ACTN3: variants seen among roughly 807,000 people sequenced by gnomAD.
ACTN3 encodes the protein alpha-actinin-3.
In ACTN3, 91 loss-of-function variants were observed where a neutral mutation model predicts 119.6. The ratio of observed to expected loss-of-function variants is 0.76; its 90% confidence interval spans 0.64 to 0.91. ACTN3 has a LOEUF of 0.91. Ranked by LOEUF, ACTN3 falls within the 40% of genes least tolerant of loss-of-function variation. The probability of loss-of-function intolerance (pLI) is 0.00; values close to 1 mark genes in which losing one functional copy is unlikely to be tolerated. For missense variants in ACTN3, 1,221 were observed against 1,215.1 expected, an observed-to-expected ratio of 1.00 and a Z score of -0.07; for synonymous variants, 456 against 478.8, an observed-to-expected ratio of 0.95 and a Z score of 0.62.
intron 14 of ACTN3, 120 bp from the exon 15 acceptor site, chr11:66,560,453 C>A: frequency 6.8e-7 from 1 of 1,469,148 alleles, no homozygotes; most frequent in Non-Finnish European, 9.1e-7. Flanking sequence ...GACAGGAGGC[C>A]GGGGTTCTTG....
chr11:66,561,883 A>T, intron 17 of ACTN3, 139 bp from the exon 18 acceptor site: 1 of 1,089,728 alleles, frequency 9.2e-7, no homozygotes. Flanking sequence ...TGGGTTACTC[A>T]GTGGAGCCTC....
chr11:66,556,343 C>A, intron 8 of ACTN3, 113 bp downstream of exon 8: 2 of 962,388 alleles, frequency 2.1e-6, no homozygotes, highest in Non-Finnish European at 1.6e-6. Flanking sequence ...ACTGTGCCAG[C>A]TGCACACACT....
Position 66,563,237 on chromosome 11 carries a change from A to T in ACTN3, c.*44A>T, listed in dbSNP as rs1590813903. 16 of 1,546,634 alleles carry T rather than the reference A, an allele frequency of 1.0e-5. No individual in the cohort carries two copies. The highest frequency in any genetic ancestry group is 1.4e-5 in the Non-Finnish European group (16 of 1,144,080). On this transcript the variant is annotated 3_prime_UTR_variant, in exon 21 of 21. Coordinates refer to ENST00000513398, the MANE Select transcript of ACTN3 (RefSeq NM_001104.4). ...TCTATGCAAGATGGAGAGAGGATGC[A>T]CCCTGTGGCTGATCCCATCCGTCCC...
In ACTN3 at chr11:66,555,360, T is replaced by A; in HGVS notation, c.711T>A (p.Asp237Glu). The change falls in exon 7 of 21, where the codon GAT (aspartate) becomes GAA (glutamate). Residue 237 changes from aspartate to glutamate, a missense_variant. This residue lies in a region of ACTN3 where 934 missense variants were observed against 899.9 expected (regional missense o/e 1.04). Coordinates refer to ENST00000513398, the MANE Select transcript of ACTN3 (RefSeq NM_001104.4). ...ACCTGGACATCCCCAAGATGTTGGATGCAGAAGGTGAGAGTGAGCTAGCCC... is the reference window on the plus strand; with the variant it reads ...ACCTGGACATCCCCAAGATGTTGGAAGCAGAAGGTGAGAGTGAGCTAGCCC... Reference protein sequence around the residue: ...EKYLDIPKMLDAEDIVNTPKP... With the variant: ...EKYLDIPKMLEAEDIVNTPKP... 15 of 1,614,088 alleles carry A rather than the reference T, an allele frequency of 9.3e-6. No individual in the cohort carries two copies. Among genetic ancestry groups the A allele is most frequent in the Non-Finnish European group, 1.3e-5 (15 of 1,179,970 alleles).
intron 1 of ACTN3, among the ~76,000 whole-genome samples, chr11:66,547,804 G>A (rs574601177): frequency 6.6e-6 from 1 of 152,278 alleles, no homozygotes; most frequent in Non-Finnish European, 1.5e-5. Context: ...TGGACACTTA[G>A]TGCTGAGGCA....
At chr11:66,552,224 G>T (rs1005605478) in intron 3 of ACTN3, among the ~76,000 whole-genome samples, 3 of 151,434 alleles carry the variant, frequency 2.0e-5, no homozygotes, top group Non-Finnish European at 2.9e-5. Flanking sequence ...CTAAAAATAC[G>T]CTGGGTGTGG....
chr11:66,561,688 G>A, intron 17 of ACTN3, 51 bp downstream of exon 17: 3 of 1,562,406 alleles, frequency 1.9e-6, no homozygotes, highest in Non-Finnish European at 2.6e-6. Flanking sequence ...GGCTGAGGAG[G>A]CCCAGGGAGA....
At chr11:66,554,203 C>T (rs1857539439) in intron 4 of ACTN3, 72 bp downstream of exon 4, 12 of 1,366,656 alleles carry the variant, frequency 8.8e-6, no homozygotes, top group South Asian at 3.7e-5. Flanking sequence ...TTTGGGAGGT[C>T]GAGGCGGGCA....
chr11:66,551,991 G>C (rs1171829643), intron 3 of ACTN3, among the ~76,000 whole-genome samples: 2 of 151,302 alleles, frequency 1.3e-5, no homozygotes, highest in East Asian at 3.9e-4. Context: ...CACAAGAATT[G>C]AATGAACCTG....
Position 66,560,671 on chromosome 11 carries a change from C to G in ACTN3, c.1776C>G (p.Ile592Met), listed in dbSNP as rs772244128. 2.5e-6 allele frequency: 4 copies of G among 1,613,924 alleles called. No homozygotes were observed. The highest frequency in any genetic ancestry group is 1.7e-5 in the Admixed American group (1 of 60,030). ...IMGIQGEIQK[I>M]CQTYGLRPCS... ...GCATCCAGGGTGAGATCCAGAAGAT[C>G]TGCCAGACGTATGGGCTGCGGCCCT... The change falls in exon 15 of 21, where the codon ATC (isoleucine) becomes ATG (methionine). Residue 592 changes from isoleucine to methionine, a missense_variant. This residue lies in a region of ACTN3 where 934 missense variants were observed against 899.9 expected (regional missense o/e 1.04). Transcript: ENST00000513398.
In ACTN3 at chr11:66,546,944, A is replaced by G. The variant is rs1857358479; in HGVS notation, c.7A>G (p.Met3Val). ...AGCCAGGAGCCCGATCGAGATGATG[A>G]TGGTTATGCAGCCCGAGGGTCTGGG... is the stretch of plus-strand genomic sequence containing the variant. MM[M>V]VMQPEGLGAG... The change falls in exon 1 of 21, where the codon ATG becomes GTG. Residue 3 changes from methionine (M) to valine (V), a missense_variant. Met to Val is a conservative substitution (Grantham distance 21). This residue lies in a region of ACTN3 where 239 missense variants were observed against 231.8 expected (regional missense o/e 1.03). Coordinates refer to ENST00000513398, the MANE Select transcript of ACTN3 (RefSeq NM_001104.4). 2 of 1,536,646 alleles carry G rather than the reference A, an allele frequency of 1.3e-6. No individual in the cohort carries two copies. Among genetic ancestry groups the G allele is most frequent in the Non-Finnish European group, 1.7e-6 (2 of 1,146,906 alleles).
rs1857368480 is a variant in ACTN3 at position 66,547,173 on chromosome 11, G to A, written c.147+89G>A. ...GGCATCTCAGCAGTGCAGGGGCAGA[G>A]CTTGTCTTTAACCTAGAGTGCTAAT... On this transcript the variant is annotated intron_variant, in intron 1 of 20. Transcript: ENST00000513398. 10 of 1,375,050 alleles carry A rather than the reference G, an allele frequency of 7.3e-6. No individual in the cohort carries two copies. In the South Asian group the frequency reaches 1.6e-4, roughly 23 times the overall value. 85.2% of individuals were successfully genotyped at this position (1,375,050 alleles called of 1,614,324 possible).
chr11:66,563,262 C>T lies in ACTN3; in HGVS notation c.*69C>T, dbSNP rs1271588525. 1.8e-5 allele frequency: 27 copies of T among 1,507,146 alleles called. No homozygotes were observed. Among genetic ancestry groups the T allele is most frequent in the Non-Finnish European group, 2.4e-5 (27 of 1,125,854 alleles). 93.4% of individuals were successfully genotyped at this position (1,507,146 alleles called of 1,614,324 possible). ...ACCCTGTGGCTGATCCCATCCGTCC[C>T]TCGGAGCAAGGGCCTAAGAGAAAAG... is the stretch of plus-strand genomic sequence containing the variant. On this transcript the variant is annotated 3_prime_UTR_variant, in exon 21 of 21. Coordinates refer to ENST00000513398, the MANE Select transcript of ACTN3 (RefSeq NM_001104.4).
chr11:66,548,813 C>T (rs1857417233), intron 1 of ACTN3, among the ~76,000 whole-genome samples: 1 of 152,164 alleles, frequency 6.6e-6, no homozygotes, highest in South Asian at 2.1e-4. Flanking sequence ...AAATAAAGCC[C>T]CTGCCATGGG....
At position 66,562,339 on chromosome 11, in the gene ACTN3, T is replaced by G. The variant is rs1393695646; in HGVS notation, c.2388+17T>G. The G allele has an allele frequency of 2.5e-6, 4 of 1,611,686 alleles. No homozygotes were observed. Among genetic ancestry groups the G allele is most frequent in the Admixed American group, 1.7e-5 (1 of 59,990 alleles). On this transcript the variant is annotated intron_variant, in intron 19 of 20. Transcript: ENST00000513398. The stretch of plus-strand genomic sequence containing the variant: ...TATGACCTGGTGAGAGCTCCCCAGC[T>G]CCTTCCCAGGAGTCCCAAAGTACCC...
At chr11:66,549,218 A>T (rs927045940) in intron 1 of ACTN3, among the ~76,000 whole-genome samples, 1 of 152,186 alleles carries the variant, frequency 6.6e-6, no homozygotes, top group African/African-American at 2.4e-5. Flanking sequence ...ACTTGCCTGC[A>T]TGGCAGCCCC....
rs1316722621 is a variant in ACTN3, at chr11:66,562,961, C to T, written c.2547+7C>T. On this transcript the variant is annotated splice_region_variant and intron_variant, in intron 20 of 20. Transcript: ENST00000513398. ...GATCTTGGCAGGAGACAAGGTGAGT[C>T]CCAGGCGGTGGAGGGGCTGGTGGGC... The T allele has an allele frequency of 1.9e-6, 3 of 1,611,692 alleles. No individual in the cohort carries two copies. In the African/African-American group the frequency reaches 4.0e-5, roughly 21 times the overall value.
intron 1 of ACTN3, among the ~76,000 whole-genome samples, chr11:66,548,655 C>G (rs1383659138): frequency 6.6e-6 from 1 of 152,166 alleles, no homozygotes; most frequent in African/African-American, 2.4e-5. Context: ...CTGACCCCTC[C>G]CTGTTGCTCT....
At chr11:66,561,070 C>T (rs1369992277) in intron 15 of ACTN3, 157 bp from the exon 16 acceptor site, 1 of 589,334 alleles carries the variant, frequency 1.7e-6, no homozygotes, top group East Asian at 1.4e-4. Flanking sequence ...AACTGAAGCC[C>T]ACATGGGTTA....
Sources: allele counts gnomAD v4.1 joint callset (sites outside exome capture counted in the v4.1 genomes callset), GRCh38; gene constraint gnomAD v4.1.1; regional missense constraint gnomAD v4.1.1; transcripts MANE v1.5; gene names NCBI Gene and HGNC (gene_info 2026-07-23, HGNC 2026-07-21).